The following RAB27A variants were observed in gnomAD, a reference collection of about 807,000 sequenced individuals.
The protein encoded by RAB27A is RAB27A, member RAS oncogene family, also known as ras-related protein Rab-27A.
A neutral mutation model predicts 20.8 loss-of-function variants in RAB27A; 17 were observed. That is an observed-to-expected ratio of 0.82 (90% confidence interval 0.56 to 1.23). The LOEUF is 1.23. Among genes scored for constraint, RAB27A ranks in the 50% most tolerant of loss-of-function variants. RAB27A has a pLI of 0.00. For missense variants in RAB27A, 277 were observed against 266.7 expected, an observed-to-expected ratio of 1.04 and a Z score of -0.27; for synonymous variants, 85 against 92.8, an observed-to-expected ratio of 0.92 and a Z score of 0.48.
intron 4 of RAB27A, among the ~76,000 whole-genome samples, chr15:55,229,470 G>C (rs561632933): frequency 1.3e-5 from 2 of 152,218 alleles, no homozygotes; most frequent in Admixed American, 6.5e-5. Context: ...GAAGTCAGGA[G>C]TTAGAGACCA....
intron 2 of RAB27A, chr15:55,269,733 T>A (rs189397077): frequency 6.6e-6 from 1 of 152,120 alleles, no homozygotes; most frequent in African/African-American, 2.4e-5. Flanking sequence ...AGAGCAAGAC[T>A]CTGTCTCAAA....
In RAB27A at chr15:55,207,660, G is replaced by A. The variant is rs183837240; in HGVS notation, c.468-1955C>T. ...AAATGTGGCTAATGCAACCAAAAAT[G>A]CGACTTTTTTGTTTTTGTTTTTGTT... is the stretch of plus-strand genomic sequence containing the variant. On this transcript the variant is annotated intron_variant, in intron 6 of 6. Transcript: ENST00000336787. 9.0e-4 allele frequency among the ~76,000 whole-genome samples: 137 copies of A among 152,202 alleles called. 1 individual carries two copies. The highest frequency in any genetic ancestry group is 3.2e-3 in the African/African-American group (133 of 41,520).
At chr15:55,238,881 T>C (rs1381597503) in intron 2 of RAB27A, among the ~76,000 whole-genome samples, 1 of 152,158 alleles carries the variant, frequency 6.6e-6, no homozygotes, top group East Asian at 1.9e-4. Context: ...AAATACACCA[T>C]CCATTTTAGC....
chr15:55,269,215 A>G (rs1288600718), intron 2 of RAB27A, among the ~76,000 whole-genome samples: 1 of 152,204 alleles, frequency 6.6e-6, no homozygotes, highest in East Asian at 1.9e-4. Context: ...CAGCTCTAGT[A>G]AACTAATACA....
chr15:55,281,184 C>A (rs902540433), intron 1 of RAB27A, among the ~76,000 whole-genome samples: 2 of 152,166 alleles, frequency 1.3e-5, no homozygotes, highest in Non-Finnish European at 2.9e-5. Context: ...TTTGAGGAAG[C>A]ATTAACATGG....
At chr15:55,264,036 C>G (rs1566927875) in intron 2 of RAB27A, among the ~76,000 whole-genome samples, 1 of 152,066 alleles carries the variant, frequency 6.6e-6, no homozygotes, top group East Asian at 1.9e-4. Context: ...GTTATTTTTT[C>G]TGTTTGTTTG....
chr15:55,206,240 CAT>C (rs1430634554), intron 6 of RAB27A: 3 of 624,324 alleles, frequency 4.8e-6, no homozygotes, highest in Non-Finnish European at 6.0e-6. Context: ...TTTAAAGGAC[CAT>C]ATATATATTT....
Position 55,316,224 on chromosome 15 carries a change from G to A in RAB27A, c.-233-2064C>T, listed in dbSNP as rs185251744. On this transcript the variant is annotated intron_variant, in intron 1 of 5. Transcript: ENST00000563262. ...CGCTCCAGCCTGGGCAACAGAGCCA[G>A]ACTCCGTCTCAAAAAAAAAAAAAAA... 8.0e-3 allele frequency among the ~76,000 whole-genome samples: 1,106 copies of A among 137,536 alleles called. 4 individuals carry two copies. Among genetic ancestry groups the A allele is most frequent in the Middle Eastern group, 0.024 (6 of 252 alleles). The allele number at this position is 137,536 out of a possible 152,430, so 90.2% of individuals were successfully genotyped here.
chr15:55,242,688 C>G (rs1436239635), intron 2 of RAB27A, among the ~76,000 whole-genome samples: 1 of 152,080 alleles, frequency 6.6e-6, no homozygotes, highest in Non-Finnish European at 1.5e-5. Context: ...GATTTTGGGG[C>G]GCCCTATCCA....
At position 55,205,345 on chromosome 15, in the gene RAB27A, C is replaced by A. The variant is rs886051315; in HGVS notation, c.*162G>T. 1 of 738,478 alleles carries A rather than the reference C, an allele frequency of 1.4e-6. No homozygotes were observed. Among genetic ancestry groups the A allele is most frequent in the African/African-American group, 1.8e-5 (1 of 56,254 alleles). The allele number at this position is 738,478 out of a possible 1,614,324, so 45.7% of individuals were successfully genotyped here. Reference sequence around the variant, plus strand: ...TAAAGAAATATTTACAAAGCTGCAACAAATTAATTTTAGAACCGGATGCTT... The same window carrying A: ...TAAAGAAATATTTACAAAGCTGCAAAAAATTAATTTTAGAACCGGATGCTT... On this transcript the variant is annotated 3_prime_UTR_variant, in exon 7 of 7. Transcript: ENST00000336787.
In RAB27A at chr15:55,212,427, T is replaced by C. The variant is rs767776608; in HGVS notation, c.468-6722A>G. ...GAGTATTCAGAGGTCACTGGCCATG[T>C]TTATCAAAGGCTTTGCCACTTACCA... On this transcript the variant is annotated intron_variant, in intron 6 of 6. Transcript: ENST00000336787. 5.2e-4 allele frequency among the ~76,000 whole-genome samples: 79 copies of C among 152,158 alleles called. 1 individual carries two copies. Among genetic ancestry groups the C allele is most frequent in the Non-Finnish European group, 1.1e-3 (73 of 68,040 alleles).
chr15:55,259,136 T>C (rs1009194292), intron 2 of RAB27A, among the ~76,000 whole-genome samples: 13 of 150,950 alleles, frequency 8.6e-5, no homozygotes, highest in Non-Finnish European at 1.5e-4. Context: ...TCTATGGATG[T>C]GCAGTTCTTC....
At chr15:55,207,132 A>C (rs1387623489) in intron 6 of RAB27A, among the ~76,000 whole-genome samples, 1 of 152,196 alleles carries the variant, frequency 6.6e-6, no homozygotes, top group Non-Finnish European at 1.5e-5. Flanking sequence ...AAAATATAGA[A>C]ATCTCCCAAT....
At chr15:55,222,938 CTT>C (rs2140955178) in intron 6 of RAB27A, among the ~76,000 whole-genome samples, 1 of 152,304 alleles carries the variant, frequency 6.6e-6, no homozygotes, top group East Asian at 1.9e-4. Context: ...ACCCTTAACA[CTT>C]TAATACTTTA....
intron 1 of RAB27A, chr15:55,317,414 A>C (rs1396111884): frequency 4.3e-6 from 1 of 233,718 alleles, no homozygotes; most frequent in Non-Finnish European, 8.2e-6. Context: ...TCCCAGGTTC[A>C]AGTGATGCTC....
chr15:55,253,398 G>C (rs9920645), intron 2 of RAB27A, among the ~76,000 whole-genome samples: 75,572 of 150,550 alleles, frequency 0.5, 19,338 homozygotes, highest in Non-Finnish European at 0.54. Context: ...AGTGAGCCAA[G>C]ATCGTGCCAC....
chr15:55,227,848 T>C (rs1212037500), intron 5 of RAB27A, among the ~76,000 whole-genome samples: 1 of 152,226 alleles, frequency 6.6e-6, no homozygotes, highest in African/African-American at 2.4e-5. Flanking sequence ...TCTTTTTAAA[T>C]CAGTGTTTTA....
At chr15:55,312,265 A>G (rs2055025044) in intron 2 of RAB27A, among the ~76,000 whole-genome samples, 1 of 152,216 alleles carries the variant, frequency 6.6e-6, no homozygotes, top group Admixed American at 6.5e-5. Flanking sequence ...GACGGCGAGC[A>G]AAAGCTCAGC....
At chr15:55,273,981 T>C (rs569343334) in intron 1 of RAB27A, among the ~76,000 whole-genome samples, 58 of 152,296 alleles carry the variant, frequency 3.8e-4, no homozygotes, top group African/African-American at 1.3e-3. Flanking sequence ...TTCTTCCGGA[T>C]AGAACATACA....
Sources: allele counts gnomAD v4.1 joint callset (sites outside exome capture counted in the v4.1 genomes callset), GRCh38; gene constraint gnomAD v4.1.1; transcripts MANE v1.5; gene names NCBI Gene and HGNC (gene_info 2026-07-23, HGNC 2026-07-21).